ZNF516: variants seen among roughly 807,000 people sequenced by gnomAD.
ZNF516 encodes the protein zinc finger protein 516.
ZNF516 carries 19 observed loss-of-function variants against 79.7 expected under a neutral mutation model. The ratio of observed to expected loss-of-function variants is 0.24; its 90% CI spans 0.17 to 0.35. ZNF516 has a LOEUF of 0.35. Ranked by LOEUF, ZNF516 falls within the 10% of genes least tolerant of loss-of-function variation. The pLI is 1.00. For missense variants in ZNF516, 1,678 were observed against 1,679.5 expected (o/e 1.00, Z 0.02); for synonymous variants, 877 against 739.5 (o/e 1.19, Z -3.02).
At chr18:76,369,204 A>C (rs996653899) in intron 6 of ZNF516, among the ~76,000 whole-genome samples, 1 of 152,222 alleles carries the variant, frequency 6.6e-6, no homozygotes, top group Non-Finnish European at 1.5e-5. Context: ...ACTGCAGTGG[A>C]GGTCATACAC....
chr18:76,366,264 A>G (rs1468905121), intron 6 of ZNF516, among the ~76,000 whole-genome samples: 1 of 152,204 alleles, frequency 6.6e-6, no homozygotes, highest in South Asian at 2.1e-4. Context: ...GATAGACGGT[A>G]TATCACAATT....
At chr18:76,421,714 C>T (rs975015866) in intron 3 of ZNF516, among the ~76,000 whole-genome samples, 8 of 152,258 alleles carry the variant, frequency 5.3e-5, no homozygotes, top group African/African-American at 1.9e-4. Flanking sequence ...ACAGAGGGCA[C>T]TACTTTACAC....
chr18:76,395,847 T>C (rs905632738), intron 3 of ZNF516, among the ~76,000 whole-genome samples: 3 of 152,188 alleles, frequency 2.0e-5, no homozygotes, highest in Non-Finnish European at 4.4e-5. Context: ...CCAGCCGCCC[T>C]GCAGGAGCCA....
At chr18:76,473,355 CA>C (rs35092154) in intron 1 of ZNF516, among the ~76,000 whole-genome samples, 7,238 of 87,770 alleles carry the variant, frequency 0.082, 115 homozygotes, top group South Asian at 0.17. Flanking sequence ...TTGCTCTCTG[CA>C]AAAAAAAAAA....
intron 3 of ZNF516, among the ~76,000 whole-genome samples, chr18:76,418,753 C>T (rs1168532357): frequency 6.6e-6 from 1 of 152,110 alleles, no homozygotes; most frequent in Non-Finnish European, 1.5e-5. Flanking sequence ...CTTTTTCAAA[C>T]GCTATAATGC....
rs760770295 is a variant in ZNF516 at position 76,442,353 on chromosome 18, G to C, written c.702C>G (p.Ala234=). 6.2e-6 allele frequency: 10 copies of C among 1,609,790 alleles called. No homozygotes were observed. The East Asian group carries it at 2.2e-4, about 36-fold the overall frequency. ...GCTCGGGCTTGCCGTTCTCCACGCA[G>C]GCCTCGCCGCTGCCGGGCCCCTGCG... The part of the protein sequence containing the change: ...ITAQGPGSGE[A]CVENGKPELS... The change falls in exon 3 of 7, where the codon GCC becomes GCG. Residue 234 remains alanine, a synonymous_variant. Transcript: ENST00000443185.
intron 2 of ZNF516, among the ~76,000 whole-genome samples, chr18:76,455,469 A>T (rs567666927): frequency 6.6e-6 from 1 of 152,312 alleles, no homozygotes; most frequent in Non-Finnish European, 1.5e-5. Flanking sequence ...GCTGGAAAGG[A>T]TCACTGCCGG....
Position 76,357,994 on chromosome 18 carries a change from A to G in ZNF516, c.*4504T>C, listed in dbSNP as rs971701145. On this transcript the variant is annotated 3_prime_UTR_variant, in exon 7 of 7. Coordinates refer to ENST00000443185, the MANE Select transcript of ZNF516 (RefSeq NM_014643.4). Reference sequence around the variant, plus strand: ...GTCCTCGAGTCCACAAAAGAGTTGGAAAAAAACCACTCGGGCCATCTGGGC... The same window carrying G: ...GTCCTCGAGTCCACAAAAGAGTTGGGAAAAAACCACTCGGGCCATCTGGGC... Among the ~76,000 whole-genome samples the G allele has an allele frequency of 1.3e-5, 2 of 152,020 alleles. No individual in the cohort carries two copies. Among genetic ancestry groups the G allele is most frequent in the Non-Finnish European group, 2.9e-5 (2 of 68,034 alleles).
rs1158803858 is a variant in ZNF516 at position 76,493,077 on chromosome 18, G to A, written c.-272+2067C>T. ...GTCACTCACGCCCAGGGGGCAGGGA[G>A]ACTTCGCAAAGCTGTTTCCTTTTTT... On this transcript the variant is annotated intron_variant, in intron 1 of 6. Transcript: ENST00000443185. This position sits in a 1 kb window ranked among gnomAD's most constrained non-coding sequence, Gnocchi z 5.2. 1 of 984,662 alleles carries A rather than the reference G, an allele frequency of 1.0e-6. No individual in the cohort carries two copies. Among genetic ancestry groups the A allele is most frequent in the Non-Finnish European group, 1.2e-6 (1 of 829,828 alleles). The allele number at this position is 984,662 out of a possible 1,614,324, so 61.0% of individuals were successfully genotyped here.
In ZNF516 at chr18:76,439,049, C is replaced by T. The variant is rs114969418; in HGVS notation, c.1810+2196G>A. On this transcript the variant is annotated intron_variant, in intron 3 of 6. Transcript: ENST00000443185. ...GAAAGGCAAGCATTTCCCAAAGTTG[C>T]GTGTATTTTTTCAGAAAAAGAAAGG... Among the ~76,000 whole-genome samples, 1,205 of 152,206 alleles carry T rather than the reference C, an allele frequency of 7.9e-3. 10 individuals are homozygous for T. Among genetic ancestry groups the T allele is most frequent in the African/African-American group, 0.028 (1,151 of 41,512 alleles).
chr18:76,484,832 C>A (rs1914736301), intron 1 of ZNF516, among the ~76,000 whole-genome samples: 2 of 152,178 alleles, frequency 1.3e-5, no homozygotes, highest in Admixed American at 6.5e-5. Flanking sequence ...AAATTCTTAG[C>A]AGCCCATAAT....
chr18:76,425,169 T>G (rs1208180636), intron 3 of ZNF516, among the ~76,000 whole-genome samples: 1 of 147,500 alleles, frequency 6.8e-6, no homozygotes, highest in African/African-American at 2.5e-5. Context: ...TACACCCATC[T>G]CTCAAAAAAA....
intron 1 of ZNF516, among the ~76,000 whole-genome samples, chr18:76,470,790 G>A (rs911357573): frequency 1.3e-5 from 2 of 152,104 alleles, no homozygotes; most frequent in Non-Finnish European, 2.9e-5. Flanking sequence ...CGAGGCGGGC[G>A]GATCACCAGG....
intron 3 of ZNF516, among the ~76,000 whole-genome samples, chr18:76,412,261 G>T (rs540774444): frequency 6.6e-6 from 1 of 152,328 alleles, no homozygotes; most frequent in South Asian, 2.1e-4. Context: ...ACTTCCAGGG[G>T]AGAACACCCT....
chr18:76,493,274 G>C lies in ZNF516; in HGVS notation c.-272+1870C>G. The stretch of plus-strand genomic sequence containing the variant: ...AGGATGGAAAGGGAAATTCACGAAG[G>C]GAGTGGAGGCGGAAAGGGAGCTCCG... On this transcript the variant is annotated intron_variant, in intron 1 of 6. Transcript: ENST00000443185. This position sits in a 1 kb window ranked among gnomAD's most constrained non-coding sequence, Gnocchi z 5.2. 1 of 800,180 alleles carries C rather than the reference G, an allele frequency of 1.2e-6. No homozygotes were observed. Among genetic ancestry groups the C allele is most frequent in the Non-Finnish European group, 1.5e-6 (1 of 661,904 alleles). 49.6% of individuals were successfully genotyped at this position (800,180 alleles called of 1,614,324 possible).
At position 76,357,842 on chromosome 18, in the gene ZNF516, C is replaced by A. The variant is rs552843728; in HGVS notation, c.*4656G>T. 6.6e-6 allele frequency among the ~76,000 whole-genome samples: 1 copy of A among 152,240 alleles called. No individual in the cohort carries two copies. The highest frequency in any genetic ancestry group is 1.9e-4 in the East Asian group (1 of 5,180). On this transcript the variant is annotated 3_prime_UTR_variant, in exon 7 of 7. Coordinates refer to ENST00000443185, the MANE Select transcript of ZNF516 (RefSeq NM_014643.4). ...GCTGAGTCAGAATTCCGTCCGCGTC[C>A]ATCCCTGTGCGTCCTGTATGGGTGA...
At chr18:76,487,511 AACAGGAG>A (rs1238388876) in intron 1 of ZNF516, among the ~76,000 whole-genome samples, 2 of 152,258 alleles carry the variant, frequency 1.3e-5, no homozygotes, top group African/African-American at 2.4e-5. Context: ...CTTTTTAAAG[AACAGGAG>A]ACATTCTAAA....
At chr18:76,372,392 G>A (rs1451842861) in intron 4 of ZNF516, among the ~76,000 whole-genome samples, 1 of 152,206 alleles carries the variant, frequency 6.6e-6, no homozygotes. Flanking sequence ...GGCTGGGAGA[G>A]TCACTGTTAT....
At chr18:76,466,426 G>A (rs554007454) in intron 1 of ZNF516, among the ~76,000 whole-genome samples, 11 of 152,186 alleles carry the variant, frequency 7.2e-5, no homozygotes, top group African/African-American at 9.7e-5. Flanking sequence ...CCACGTGGAC[G>A]GGATGCTGGC....
Sources: allele counts gnomAD v4.1 joint callset (sites outside exome capture counted in the v4.1 genomes callset), GRCh38; gene constraint gnomAD v4.1.1; non-coding constraint Gnocchi (gnomAD v3.1); transcripts MANE v1.5; gene names NCBI Gene and HGNC (gene_info 2026-07-23, HGNC 2026-07-21).